The following TMED5 variants were observed in gnomAD, a reference collection of about 807,000 sequenced individuals.
The protein encoded by TMED5 is transmembrane emp24 domain-containing protein 5.
TMED5 carries 27 observed loss-of-function variants against 23.0 expected under a neutral mutation model. The observed-to-expected ratio is 1.17, with a 90% CI of 0.86 to 1.62. TMED5 has a LOEUF of 1.62. TMED5 is among the 40% of genes most tolerant of loss of function. The probability of loss-of-function intolerance (pLI) is 0.00; values close to 1 mark genes in which losing one functional copy is unlikely to be tolerated. For synonymous variants in TMED5, 97 were observed against 100.8 expected (o/e 0.96, Z 0.23); for missense variants, 248 against 273.7 (o/e 0.91, Z 0.66).
At chr1:93,170,587 C>T (rs924959046) in intron 1 of TMED5, among the ~76,000 whole-genome samples, 6 of 152,244 alleles carry the variant, frequency 3.9e-5, no homozygotes, top group African/African-American at 7.2e-5. Context: ...CCAGTCCCAT[C>T]AACCGCCCAA....
intron 1 of TMED5, among the ~76,000 whole-genome samples, chr1:93,175,201 A>ATATATATATATAT (rs71094238): frequency 2.1e-4 from 30 of 141,338 alleles, no homozygotes; most frequent in African/African-American, 6.5e-4. Context: ...ATATATATAT[A>ATATATATATATAT]AATGGACCTC....
chr1:93,170,153 C>T (rs1366593346), intron 1 of TMED5, among the ~76,000 whole-genome samples: 1 of 152,240 alleles, frequency 6.6e-6, no homozygotes, highest in Non-Finnish European at 1.5e-5. Context: ...TTGGCCTTGG[C>T]GCCCACTCTG....
intron 1 of TMED5, among the ~76,000 whole-genome samples, chr1:93,164,083 G>A (rs1648397411): frequency 6.6e-6 from 1 of 151,918 alleles, no homozygotes; most frequent in African/African-American, 2.4e-5. Flanking sequence ...AGGTTAAAAG[G>A]AAACATAGAC....
Position 93,180,335 on chromosome 1 carries a change from A to G in TMED5, c.-93T>C. 1 of 1,422,628 alleles carries G rather than the reference A, an allele frequency of 7.0e-7. No homozygotes were observed. The highest frequency in any genetic ancestry group is 2.8e-5 in the Admixed American group (1 of 35,220). 88.1% of individuals were successfully genotyped at this position (1,422,628 alleles called of 1,614,324 possible). ...CTGGACTCCTCGTGGTTGACAGGGA[A>G]ATCTGGAGTCTGAAGAAACTCCAGG... On this transcript the variant is annotated 5_prime_UTR_variant, in exon 1 of 4. Coordinates refer to ENST00000370282, the MANE Select transcript of TMED5 (RefSeq NM_016040.5).
intron 1 of TMED5, among the ~76,000 whole-genome samples, chr1:93,176,746 G>C (rs1393633768): frequency 6.6e-6 from 1 of 152,140 alleles, no homozygotes; most frequent in African/African-American, 2.4e-5. Context: ...GTCCAGGCTG[G>C]TGTGAAACGC....
In TMED5 at chr1:93,163,460, TCA is replaced by T. The variant is rs1310255921; in HGVS notation, c.190-3236_190-3235del. On this transcript the variant is annotated intron_variant, in intron 1 of 3. Coordinates refer to ENST00000370282, the MANE Select transcript of TMED5 (RefSeq NM_016040.5). ...CTCAGGTTCAAATGATTCTCCCGCC[TCA>T]GTGTCCTGAGTAGCTGAGATTATAG... is the stretch of plus-strand genomic sequence containing the variant. 3.3e-5 allele frequency among the ~76,000 whole-genome samples: 5 copies of T among 151,478 alleles called. No individual in the cohort carries two copies. In the East Asian group the frequency reaches 9.9e-4, roughly 30 times the overall value.
rs375153657 is a variant in TMED5 at position 93,150,828 on chromosome 1, T to TTTA, written c.*3839_*3841dup. On this transcript the variant is annotated 3_prime_UTR_variant, in exon 4 of 4. Coordinates refer to ENST00000370282, the MANE Select transcript of TMED5 (RefSeq NM_016040.5). ...AGTAGTATCTTTCTTTCTGAGGGAG[T>TTTA]TTATATCAGTTTGGGTAACAGATTC... is the stretch of plus-strand genomic sequence containing the variant. 6.6e-6 allele frequency: 1 copy of TTTA among 152,238 alleles called. No individual in the cohort carries two copies. Among genetic ancestry groups the TTTA allele is most frequent in the African/African-American group, 2.4e-5 (1 of 41,526 alleles). 9.4% of individuals were successfully genotyped at this position (152,238 alleles called of 1,614,324 possible).
chr1:93,169,331 G>C (rs927645246), intron 1 of TMED5, among the ~76,000 whole-genome samples: 2 of 152,110 alleles, frequency 1.3e-5, no homozygotes, highest in African/African-American at 2.4e-5. Flanking sequence ...ATGGGACAAA[G>C]AAGTCTCAAG....
rs1378215125 is a variant in TMED5, at chr1:93,175,314, T to TAC, written c.189+4739_189+4740insGT. 6.2e-3 allele frequency among the ~76,000 whole-genome samples: 674 copies of TAC among 109,028 alleles called. 5 individuals carry two copies. Among genetic ancestry groups the TAC allele is most frequent in the South Asian group, 0.028 (91 of 3,250 alleles). The allele number at this position is 109,028 out of a possible 152,430, so 71.5% of individuals were successfully genotyped here. ...TCCCTTATGCCTATATATATATATA[T>TAC]ATACACACACACACACACACACACA... On this transcript the variant is annotated intron_variant, in intron 1 of 3. Coordinates refer to ENST00000370282, the MANE Select transcript of TMED5 (RefSeq NM_016040.5).
intron 1 of TMED5, among the ~76,000 whole-genome samples, chr1:93,179,734 A>T (rs1309689488): frequency 1.3e-5 from 2 of 152,382 alleles, no homozygotes; most frequent in Non-Finnish European, 2.9e-5. Context: ...GAGAGCGTGT[A>T]GTGGCTAAGA....
chr1:93,168,981 G>T (rs915354643), intron 1 of TMED5, among the ~76,000 whole-genome samples: 2 of 152,176 alleles, frequency 1.3e-5, no homozygotes, highest in Non-Finnish European at 2.9e-5. Flanking sequence ...AGAAGAAACA[G>T]AAAATCATTA....
In TMED5 at chr1:93,152,211, T is replaced by G. The variant is rs117599057; in HGVS notation, c.*2459A>C. 4.6e-5 allele frequency: 7 copies of G among 152,672 alleles called. No individual in the cohort carries two copies. In the East Asian group the frequency reaches 1.2e-3, roughly 25 times the overall value. The allele number at this position is 152,672 out of a possible 1,614,324, so 9.5% of individuals were successfully genotyped here. A position where few individuals can be genotyped will look rare whatever the true frequency, so the allele number is the denominator to read the frequency against. On this transcript the variant is annotated 3_prime_UTR_variant, in exon 4 of 4. Coordinates refer to ENST00000370282, the MANE Select transcript of TMED5 (RefSeq NM_016040.5). Reference sequence around the variant, plus strand: ...TCAGAGCAAACTCTAGGCCTTAGTGTGAGGTGAACACGGTAACTGCTACAT... The same window carrying G: ...TCAGAGCAAACTCTAGGCCTTAGTGGGAGGTGAACACGGTAACTGCTACAT...
At position 93,156,510 on chromosome 1, in the gene TMED5, A is replaced by C. The variant is rs373103546; in HGVS notation, c.288-27T>G. 8 of 1,568,280 alleles carry C rather than the reference A, an allele frequency of 5.1e-6. No homozygotes were observed. The African/African-American group carries it at 8.1e-5, about 16-fold the overall frequency. ...TGTATAAAAAAAAGTACATGTTTTA[A>C]GTTACCTGTATTTCTATTTGTGATG... On this transcript the variant is annotated intron_variant, in intron 2 of 3. Coordinates refer to ENST00000370282, the MANE Select transcript of TMED5 (RefSeq NM_016040.5).
rs1392725269 is a variant in TMED5 at position 93,152,615 on chromosome 1, TAGA to T, written c.*2052_*2054del. On this transcript the variant is annotated 3_prime_UTR_variant, in exon 4 of 4. Coordinates refer to ENST00000370282, the MANE Select transcript of TMED5 (RefSeq NM_016040.5). Reference sequence around the variant, plus strand: ...AGATCAGTGGCACAAATCATACATGTAGAAGATTATGTAACAAATTCATTGTTA... The same window carrying T: ...AGATCAGTGGCACAAATCATACATGTAGATTATGTAACAAATTCATTGTTA... 6.6e-6 allele frequency: 1 copy of T among 152,596 alleles called. No individual in the cohort carries two copies. Among genetic ancestry groups the T allele is most frequent in the African/African-American group, 2.4e-5 (1 of 41,436 alleles). The allele number at this position is 152,596 out of a possible 1,614,324, so 9.5% of individuals were successfully genotyped here.
chr1:93,175,171 C>G (rs1648863140), intron 1 of TMED5, among the ~76,000 whole-genome samples: 1 of 75,244 alleles, frequency 1.3e-5, no homozygotes, highest in African/African-American at 7.6e-5. Flanking sequence ...TACTTAAAAG[C>G]CATTTATATA....
In TMED5 at chr1:93,163,455, C is replaced by T. The variant is rs992770000; in HGVS notation, c.190-3229G>A. Among the ~76,000 whole-genome samples, 9 of 151,650 alleles carry T rather than the reference C, an allele frequency of 5.9e-5. No homozygotes were observed. The East Asian group carries it at 1.6e-3, about 27-fold the overall frequency. Reference sequence around the variant, plus strand: ...TGGCTCTCAGGTTCAAATGATTCTCCCGCCTCAGTGTCCTGAGTAGCTGAG... The same window carrying T: ...TGGCTCTCAGGTTCAAATGATTCTCTCGCCTCAGTGTCCTGAGTAGCTGAG... On this transcript the variant is annotated intron_variant, in intron 1 of 3. Transcript: ENST00000370282.
chr1:93,155,861 C>G (rs896334124), intron 3 of TMED5, among the ~76,000 whole-genome samples: 3 of 152,144 alleles, frequency 2.0e-5, no homozygotes, highest in African/African-American at 7.2e-5. Context: ...ATATTTCCTT[C>G]TTTGTATGTT....
At chr1:93,167,860 T>TC (rs1648564311) in intron 1 of TMED5, among the ~76,000 whole-genome samples, 1 of 152,238 alleles carries the variant, frequency 6.6e-6, no homozygotes, top group Non-Finnish European at 1.5e-5. Flanking sequence ...TATCAGTTTT[T>TC]CCCCATTCAG....
chr1:93,154,896 T>G lies in TMED5; in HGVS notation c.472-8A>C. ...GATGCTGTTGATGGATTCCTGGAGATAAATAAAATAATTTTATTATTAAAG... is the reference window on the plus strand; with the variant it reads ...GATGCTGTTGATGGATTCCTGGAGAGAAATAAAATAATTTTATTATTAAAG... On this transcript the variant is annotated splice_region_variant and splice_polypyrimidine_tract_variant and intron_variant, in intron 3 of 3. Transcript: ENST00000370282. The G allele has an allele frequency of 1.3e-6, 2 of 1,536,956 alleles. No individual in the cohort carries two copies. Among genetic ancestry groups the G allele is most frequent in the Non-Finnish European group, 8.8e-7 (1 of 1,130,114 alleles).
Sources: gnomAD v4.1 joint callset for allele counts (sites outside exome capture counted in the v4.1 genomes callset) on GRCh38, gnomAD v4.1.1 for gene constraint, MANE v1.5 for transcripts, NCBI Gene and HGNC (gene_info 2026-07-23, HGNC 2026-07-21) for gene names.